Variants in VNN1 observed in about 807,000 individuals in gnomAD.
The protein encoded by VNN1 is pantetheinase.
VNN1 carries 29 observed loss-of-function variants against 41.9 expected under a neutral mutation model. The observed-to-expected ratio is 0.69, with a 90% confidence interval of 0.52 to 0.94. The LOEUF is 0.94. Ranked by LOEUF, VNN1 falls within the 40% of genes least tolerant of loss-of-function variation. The probability of loss-of-function intolerance (pLI) is 0.00; values close to 1 mark genes in which losing one functional copy is unlikely to be tolerated. For missense variants in VNN1, 637 were observed against 621.1 expected, an observed-to-expected ratio of 1.03 and a Z score of -0.27; for synonymous variants, 233 against 224.4, an observed-to-expected ratio of 1.04 and a Z score of -0.34.
At chr6:132,708,753 T>A (rs1005160537) in intron 2 of VNN1, among the ~76,000 whole-genome samples, 5 of 152,280 alleles carry the variant, frequency 3.3e-5, no homozygotes, top group Non-Finnish European at 7.4e-5. Flanking sequence ...CTCTATGCCA[T>A]AATGATCACA....
At chr6:132,706,743 G>T (rs4897607) in intron 2 of VNN1, among the ~76,000 whole-genome samples, 87,866 of 151,630 alleles carry the variant, frequency 0.58, 28,215 homozygotes, top group African/African-American at 0.86. Flanking sequence ...GATAAAATAT[G>T]TGCAAACTAT....
chr6:132,683,799 C>G (rs569455609), intron 6 of VNN1, among the ~76,000 whole-genome samples: 1 of 152,202 alleles, frequency 6.6e-6, no homozygotes, highest in Non-Finnish European at 1.5e-5. Flanking sequence ...GGAGAACTTG[C>G]AGGAAGTCAG....
At chr6:132,685,838 T>C (rs1462093717) in intron 5 of VNN1, among the ~76,000 whole-genome samples, 1 of 152,208 alleles carries the variant, frequency 6.6e-6, no homozygotes, top group Non-Finnish European at 1.5e-5. Context: ...TAACGGAGAA[T>C]GTTTCCAGAG....
intron 2 of VNN1, among the ~76,000 whole-genome samples, chr6:132,694,734 T>C (rs971057362): frequency 6.6e-6 from 1 of 150,622 alleles, no homozygotes; most frequent in Non-Finnish European, 1.5e-5. Context: ...TAGTGGTGTG[T>C]GCCTGTAGTC....
chr6:132,687,729 A>G (rs923809515), intron 5 of VNN1, among the ~76,000 whole-genome samples: 53 of 152,240 alleles, frequency 3.5e-4, no homozygotes, highest in African/African-American at 1.3e-3. Context: ...AAAGGTTATT[A>G]TTTTTAGCTC....
chr6:132,685,429 G>A (rs1778191645), intron 5 of VNN1, among the ~76,000 whole-genome samples: 1 of 152,140 alleles, frequency 6.6e-6, no homozygotes. Context: ...ATTAAGATGG[G>A]ATAGAAGTAA....
chr6:132,690,349 A>T (rs1401004988), intron 5 of VNN1, among the ~76,000 whole-genome samples: 1 of 152,158 alleles, frequency 6.6e-6, no homozygotes, highest in East Asian at 1.9e-4. Context: ...GCCATGCCTC[A>T]GTTGCCTTAG....
intron 1 of VNN1, among the ~76,000 whole-genome samples, 198 bp from the exon 2 acceptor site, chr6:132,712,037 C>T (rs1405917945): frequency 6.6e-6 from 1 of 150,460 alleles, no homozygotes; most frequent in Non-Finnish European, 1.5e-5. Context: ...TTTTCTTTTT[C>T]TTTTCTTTTC....
intron 1 of VNN1, 148 bp from the exon 2 acceptor site, chr6:132,711,987 G>T: frequency 2.5e-6 from 2 of 801,582 alleles, no homozygotes; most frequent in Non-Finnish European, 1.7e-6. Context: ...CTTTTCCAAA[G>T]CATTTTAATT....
intron 2 of VNN1, among the ~76,000 whole-genome samples, chr6:132,696,653 T>C (rs965173492): frequency 6.9e-6 from 1 of 145,534 alleles, no homozygotes. Context: ...AGCATTGAGC[T>C]GATATATTTA....
chr6:132,684,908 A>G (rs1778185789), intron 5 of VNN1, among the ~76,000 whole-genome samples: 2 of 152,258 alleles, frequency 1.3e-5, no homozygotes, highest in African/African-American at 2.4e-5. Context: ...TTCACTGTCA[A>G]AAAGATTAGC....
intron 1 of VNN1, 39 bp from the exon 2 acceptor site, chr6:132,711,878 AGAGGAGCT>A (rs1199460395): frequency 9.3e-6 from 15 of 1,609,512 alleles, no homozygotes; most frequent in Non-Finnish European, 1.3e-5. Context: ...GGGGCCTGCA[AGAGGAGCT>A]GAGGAGCTGA....
At chr6:132,692,912 A>T in intron 4 of VNN1, 112 bp downstream of exon 4, 1 of 1,239,928 alleles carries the variant, frequency 8.1e-7, no homozygotes, top group Non-Finnish European at 1.1e-6. Flanking sequence ...TTCAAAAATT[A>T]AGAGCTGGAA....
chr6:132,688,657 A>T (rs989984201), intron 5 of VNN1, among the ~76,000 whole-genome samples: 1 of 152,196 alleles, frequency 6.6e-6, no homozygotes, highest in African/African-American at 2.4e-5. Context: ...TTATATTTTA[A>T]TTTTAAAAAT....
At chr6:132,692,807 A>G (rs1778311842) in intron 4 of VNN1, among the ~76,000 whole-genome samples, 1 of 152,172 alleles carries the variant, frequency 6.6e-6, no homozygotes, top group Non-Finnish European at 1.5e-5. Context: ...AAGAAGTCAT[A>G]TATTTTGAAA....
intron 2 of VNN1, among the ~76,000 whole-genome samples, chr6:132,709,152 A>C (rs548810797): frequency 4.4e-4 from 67 of 152,320 alleles, no homozygotes; most frequent in African/African-American, 1.5e-3. Context: ...TATCATAGAT[A>C]GGTAGACAGA....
intron 6 of VNN1, among the ~76,000 whole-genome samples, chr6:132,683,526 A>T (rs944989569): frequency 1.4e-4 from 22 of 152,248 alleles, no homozygotes; most frequent in African/African-American, 5.1e-4. Context: ...AGATGCCCGT[A>T]ATCAATGTCT....
chr6:132,711,568 A>G, intron 2 of VNN1, 141 bp downstream of exon 2: 1 of 957,510 alleles, frequency 1.0e-6, no homozygotes. Flanking sequence ...CTCCCAGTAA[A>G]TATACCCATA....
intron 2 of VNN1, among the ~76,000 whole-genome samples, chr6:132,708,826 T>C (rs1404165568): frequency 2.0e-5 from 3 of 152,152 alleles, no homozygotes; most frequent in Non-Finnish European, 4.4e-5. Flanking sequence ...TTCTCAACAT[T>C]GCGCTCCTCC....
Sources: allele counts gnomAD v4.1 joint callset (sites outside exome capture counted in the v4.1 genomes callset), GRCh38; gene constraint gnomAD v4.1.1; transcripts MANE v1.5; gene names NCBI Gene and HGNC (gene_info 2026-07-23, HGNC 2026-07-21).